The following SNTA1 variants were observed in gnomAD, a reference collection of about 807,000 sequenced individuals.
SNTA1 encodes the protein syntrophin alpha 1.
Under a neutral mutation model 47.1 loss-of-function variants are expected in SNTA1, and 31 were observed. The observed-to-expected ratio is 0.66, with a 90% CI of 0.49 to 0.89. SNTA1 has a LOEUF of 0.89. Ranked by LOEUF, SNTA1 falls within the 40% of genes least tolerant of loss-of-function variation. The probability of loss-of-function intolerance (pLI) is 0.00; values close to 1 mark genes in which losing one functional copy is unlikely to be tolerated. For synonymous variants in SNTA1, 300 were observed against 313.6 expected (o/e 0.96, Z 0.46); for missense variants, 575 against 693.0 (o/e 0.83, Z 1.91).
chr20:33,443,595 CGCG>C lies in SNTA1; in HGVS notation c.23_25del (p.Pro8del). 8.0e-7 allele frequency: 1 copy of C among 1,249,124 alleles called. No homozygotes were observed. The highest frequency in any genetic ancestry group is 1.0e-6 in the Non-Finnish European group (1 of 995,818). The allele number at this position is 1,249,124 out of a possible 1,614,324, so 77.4% of individuals were successfully genotyped here. On this transcript the variant is annotated inframe_deletion, in exon 1 of 8. Transcript: ENST00000217381. Reference sequence around the variant, plus strand: ...GGCGCGCAGCTCCAGCAGCCCGGTGCGCGGGGCGCGCCTGCCGGACGCCATCTT... The same window carrying C: ...GGCGCGCAGCTCCAGCAGCCCGGTGCGGGCGCGCCTGCCGGACGCCATCTT...
Position 33,412,338 on chromosome 20 carries a change from G to T in SNTA1, c.998C>A (p.Ala333Asp). Reference protein sequence around the residue: ...LYLSLPETREALSRPARTAPL... With the variant: ...LYLSLPETREDLSRPARTAPL... ...GGCAGTACGGGCTGGCCGGCTCAGG[G>T]CCTCGCGGGTCTCGGGGAGAGACAA... The change falls in exon 5 of 8, where the codon GCC (alanine) becomes GAC (aspartate). Residue 333 changes from alanine to aspartate, a missense_variant. Coordinates refer to ENST00000217381, the MANE Select transcript of SNTA1 (RefSeq NM_003098.3). 1 of 1,612,174 alleles carries T rather than the reference G, an allele frequency of 6.2e-7. No homozygotes were observed.
Position 33,408,889 on chromosome 20 carries a change from C to A in SNTA1, c.1238-1G>T, listed in dbSNP as rs1416106180. The A allele has an allele frequency of 2.5e-6, 4 of 1,613,772 alleles. No homozygotes were observed. Among genetic ancestry groups the A allele is most frequent in the Non-Finnish European group, 3.4e-6 (4 of 1,179,950 alleles). Reference sequence around the variant, plus strand: ...CAGGGACGCCCATTCCACGTGCAGGCTGCAGGGAGGGCACATAGGTACAGG... The same window carrying A: ...CAGGGACGCCCATTCCACGTGCAGGATGCAGGGAGGGCACATAGGTACAGG... On this transcript the variant is annotated splice_acceptor_variant, in intron 6 of 7. Transcript: ENST00000217381. LOFTEE classifies it high-confidence loss of function.
At chr20:33,428,571 G>A (rs565537415) in intron 2 of SNTA1, among the ~76,000 whole-genome samples, 10 of 151,232 alleles carry the variant, frequency 6.6e-5, no homozygotes, top group East Asian at 1.9e-4. Flanking sequence ...TTACACTCTC[G>A]TTGGTAATTT....
chr20:33,421,287 A>T (rs1990013692), intron 2 of SNTA1, among the ~76,000 whole-genome samples: 1 of 152,096 alleles, frequency 6.6e-6, no homozygotes, highest in Non-Finnish European at 1.5e-5. Context: ...AAGGTCATTT[A>T]CCTCTCTGGG....
intron 2 of SNTA1, among the ~76,000 whole-genome samples, chr20:33,422,777 C>G (rs1049269963): frequency 2.0e-5 from 3 of 152,130 alleles, no homozygotes; most frequent in Non-Finnish European, 4.4e-5. Flanking sequence ...AACAAACCAA[C>G]CAACCCAGAA....
chr20:33,424,645 C>G (rs1160986135), intron 2 of SNTA1, among the ~76,000 whole-genome samples: 2 of 151,914 alleles, frequency 1.3e-5, no homozygotes, highest in Non-Finnish European at 2.9e-5. Context: ...TTCCGAGTAG[C>G]TGGGATCAGA....
chr20:33,429,522 C>T (rs934489546), intron 2 of SNTA1, among the ~76,000 whole-genome samples: 1 of 150,468 alleles, frequency 6.6e-6, no homozygotes, highest in African/African-American at 2.4e-5. Flanking sequence ...CCTAGCTACT[C>T]GGGAGGCTGA....
At chr20:33,411,915 C>G (rs1444282659) in intron 5 of SNTA1, among the ~76,000 whole-genome samples, 10 of 152,190 alleles carry the variant, frequency 6.6e-5, no homozygotes, top group Non-Finnish European at 1.5e-5. Flanking sequence ...CTCCCTGAAG[C>G]CTTCCTCTAC....
intron 1 of SNTA1, among the ~76,000 whole-genome samples, chr20:33,440,710 C>T (rs895114997): frequency 6.6e-6 from 1 of 152,162 alleles, no homozygotes; most frequent in Non-Finnish European, 1.5e-5. Context: ...TCCAGCTACT[C>T]AGGAGGCTGA....
chr20:33,438,696 G>T, intron 2 of SNTA1, 145 bp downstream of exon 2: 2 of 771,582 alleles, frequency 2.6e-6, no homozygotes, highest in Non-Finnish European at 4.6e-6. Flanking sequence ...CTTCAGGCAG[G>T]TCCCCAAATT....
chr20:33,443,758 A>C lies in SNTA1; in HGVS notation c.-138T>G, dbSNP rs1990642895. Reference sequence around the variant, plus strand: ...ACCCTACCCCGGCCGCTGGGGGAGGAGCTCTGGGGGCGGGGCTACCCTGGG... The same window carrying C: ...ACCCTACCCCGGCCGCTGGGGGAGGCGCTCTGGGGGCGGGGCTACCCTGGG... On this transcript the variant is annotated 5_prime_UTR_variant, in exon 1 of 8. Coordinates refer to ENST00000217381, the MANE Select transcript of SNTA1 (RefSeq NM_003098.3). The C allele has an allele frequency of 1.0e-5, 4 of 389,760 alleles. No homozygotes were observed. The highest frequency in any genetic ancestry group is 1.2e-4 in the South Asian group (1 of 8,602). 24.1% of individuals were successfully genotyped at this position (389,760 alleles called of 1,614,324 possible). A position where few individuals can be genotyped will look rare whatever the true frequency, so the allele number is the denominator to read the frequency against.
At chr20:33,418,359 A>G (rs1989931179) in intron 2 of SNTA1, among the ~76,000 whole-genome samples, 1 of 151,138 alleles carries the variant, frequency 6.6e-6, no homozygotes, top group East Asian at 1.9e-4. Flanking sequence ...AGATCAATCA[A>G]TCCTCCCACC....
At position 33,425,567 on chromosome 20, in the gene SNTA1, TGGG is replaced by T. The variant is rs369202166; in HGVS notation, c.497-7647_497-7645del. Among the ~76,000 whole-genome samples the T allele has an allele frequency of 1.3e-3, 200 of 151,866 alleles. 2 individuals carry two copies. Among genetic ancestry groups the T allele is most frequent in the African/African-American group, 4.5e-3 (186 of 41,426 alleles). On this transcript the variant is annotated intron_variant, in intron 2 of 7. Transcript: ENST00000217381. ...GTCCTACCTACTAGGGAGGCTGAGA[TGGG>T]AGAATTACTTGAGCCTGGAAGGCAG...
chr20:33,441,647 A>G (rs924535955), intron 1 of SNTA1, among the ~76,000 whole-genome samples: 8 of 152,156 alleles, frequency 5.3e-5, no homozygotes, highest in Admixed American at 5.2e-4. Flanking sequence ...AGGAGGGGTT[A>G]CCATGGCAAC....
intron 2 of SNTA1, among the ~76,000 whole-genome samples, 180 bp downstream of exon 2, chr20:33,438,661 C>G (rs73270043): frequency 2.0e-3 from 305 of 152,326 alleles, no homozygotes; most frequent in African/African-American, 6.9e-3. Context: ...TCTATGCCAA[C>G]TCTCCCTCCA....
chr20:33,443,420 G>A lies in SNTA1; in HGVS notation c.201C>T (p.Ala67=), dbSNP rs1403481465. 53 of 1,339,132 alleles carry A rather than the reference G, an allele frequency of 4.0e-5. No homozygotes were observed. Among genetic ancestry groups the A allele is most frequent in the Non-Finnish European group, 4.9e-5 (52 of 1,052,864 alleles). 83.0% of individuals were successfully genotyped at this position (1,339,132 alleles called of 1,614,324 possible). ...REQEPAQLNG[A]AEPGAGPPQL... is the part of the protein sequence containing the mutation. ...GCGGGGGCCCGGCGCCCGGCTCCGC[G>A]GCGCCGTTGAGCTGCGCGGGCTCCT... The change falls in exon 1 of 8, where the codon GCC becomes GCT. Residue 67 remains alanine, a synonymous_variant. Transcript: ENST00000217381.
Position 33,439,040 on chromosome 20 carries a change from G to A in SNTA1, c.311-14C>T. Reference sequence around the variant, plus strand: ...TCTCCCGGCCGCCTGCACAGGTACAGAAGGAGGACAAGACTTAGGCAGATA... The same window carrying A: ...TCTCCCGGCCGCCTGCACAGGTACAAAAGGAGGACAAGACTTAGGCAGATA... On this transcript the variant is annotated splice_polypyrimidine_tract_variant and intron_variant, in intron 1 of 7. Transcript: ENST00000217381. 1 of 1,612,772 alleles carries A rather than the reference G, an allele frequency of 6.2e-7. No individual in the cohort carries two copies. The highest frequency in any genetic ancestry group is 1.1e-5 in the South Asian group (1 of 91,060).
chr20:33,427,659 C>T (rs1234682841), intron 2 of SNTA1, among the ~76,000 whole-genome samples: 1 of 152,104 alleles, frequency 6.6e-6, no homozygotes, highest in Admixed American at 6.6e-5. Context: ...AGCAACCCTT[C>T]CAGGAACCAC....
intron 2 of SNTA1, among the ~76,000 whole-genome samples, chr20:33,424,237 G>A (rs1248593770): frequency 1.3e-5 from 2 of 150,302 alleles, no homozygotes; most frequent in South Asian, 4.2e-4. Context: ...TGGCTTGAAC[G>A]TGGGAGGCAG....
Sources: gnomAD v4.1 joint callset for allele counts (sites outside exome capture counted in the v4.1 genomes callset) on GRCh38, gnomAD v4.1.1 for gene constraint, MANE v1.5 for transcripts, NCBI Gene and HGNC (gene_info 2026-07-23, HGNC 2026-07-21) for gene names.